RSPH6A: variants seen among roughly 807,000 people sequenced by gnomAD.
RSPH6A encodes the protein radial spoke head 6 homolog A.
In RSPH6A, 49 loss-of-function variants were observed where a neutral mutation model predicts 66.1. The observed-to-expected ratio is 0.74, with a 90% CI of 0.59 to 0.94. The LOEUF (loss-of-function observed/expected upper bound fraction) is 0.94. RSPH6A is among the 40% of genes least tolerant of loss of function. The pLI, the probability that RSPH6A is intolerant of heterozygous loss-of-function variation, is 0.00. For synonymous variants in RSPH6A, 419 were observed against 402.4 expected (o/e 1.04, Z -0.49); for missense variants, 977 against 948.3 (o/e 1.03, Z -0.40).
intron 4 of RSPH6A, among the ~76,000 whole-genome samples, chr19:45,801,524 GC>G (rs895964617): frequency 3.9e-5 from 6 of 152,170 alleles, no homozygotes; most frequent in Non-Finnish European, 8.8e-5. Context: ...ACTTTGGGAG[GC>G]CGAGTAAGGT....
chr19:45,805,092 C>G (rs1970527038), intron 2 of RSPH6A, 76 bp from the exon 3 acceptor site: 4 of 1,315,528 alleles, frequency 3.0e-6, no homozygotes, highest in African/African-American at 1.5e-5. Flanking sequence ...CCAGACTCTT[C>G]TAGAGTCAAG....
chr19:45,802,737 C>G (rs1234293302), intron 3 of RSPH6A, among the ~76,000 whole-genome samples: 1 of 151,592 alleles, frequency 6.6e-6, no homozygotes, highest in Non-Finnish European at 1.5e-5. Context: ...GAACTCCTGA[C>G]CTCAAATGAT....
At chr19:45,806,811 C>CT (rs1970550531) in intron 2 of RSPH6A, among the ~76,000 whole-genome samples, 1 of 151,914 alleles carries the variant, frequency 6.6e-6, no homozygotes, top group South Asian at 2.1e-4. Context: ...AGGGAAATGC[C>CT]TGCCAGCCCC....
chr19:45,800,805 T>G (rs1970465032), intron 4 of RSPH6A, among the ~76,000 whole-genome samples: 1 of 151,228 alleles, frequency 6.6e-6, no homozygotes, highest in Admixed American at 6.6e-5. Context: ...CTCTTTTTTT[T>G]TTTTTTGGAG....
chr19:45,802,753 C>A (rs1405184867), intron 3 of RSPH6A, among the ~76,000 whole-genome samples: 1 of 151,418 alleles, frequency 6.6e-6, no homozygotes, highest in Admixed American at 6.6e-5. Context: ...ATGATCCACC[C>A]GCCTTGGCCT....
chr19:45,808,313 G>A (rs1257572492), intron 2 of RSPH6A, among the ~76,000 whole-genome samples: 1 of 152,152 alleles, frequency 6.6e-6, no homozygotes, highest in Non-Finnish European at 1.5e-5. Context: ...TGTAGTCCCA[G>A]CTACTCGGGA....
intron 5 of RSPH6A, among the ~76,000 whole-genome samples, chr19:45,797,312 C>T (rs772976814): frequency 1.4e-5 from 2 of 142,880 alleles, no homozygotes; most frequent in African/African-American, 2.6e-5. Context: ...CCCTGGGAGG[C>T]GGAGCTTGCA....
At chr19:45,811,957 T>G (rs1970635693) in intron 1 of RSPH6A, among the ~76,000 whole-genome samples, 1 of 149,240 alleles carries the variant, frequency 6.7e-6, no homozygotes, top group Non-Finnish European at 1.5e-5. Flanking sequence ...ATTTTTGTAT[T>G]TTTAGTAGAG....
chr19:45,805,467 A>C (rs1296999345), intron 2 of RSPH6A, among the ~76,000 whole-genome samples: 2 of 150,982 alleles, frequency 1.3e-5, no homozygotes, highest in Non-Finnish European at 3.0e-5. Flanking sequence ...CAAGGCAAGC[A>C]GATCACCTGA....
At position 45,804,471 on chromosome 19, in the gene RSPH6A, GGCCTCGTT is replaced by G; in HGVS notation, c.1426_1433del (p.Asn476GlnfsTer25). ...GGGCTATCTGGGCCCGCAGGTAGTT[GGCCTCGTT>G]GCCCGGGAAGGGTGGGTAGCTGACG... On this transcript the variant is annotated frameshift_variant, in exon 3 of 6. Coordinates refer to ENST00000221538, the MANE Select transcript of RSPH6A (RefSeq NM_030785.4). LOFTEE classifies it high-confidence loss of function. The surrounding 1 kb of genome is among the most constrained non-coding windows in gnomAD (Gnocchi z 5.8). 7 of 1,614,092 alleles carry G rather than the reference GGCCTCGTT, an allele frequency of 4.3e-6. No homozygotes were observed. Among genetic ancestry groups the G allele is most frequent in the Non-Finnish European group, 5.9e-6 (7 of 1,179,978 alleles).
In RSPH6A at chr19:45,814,996, C is replaced by T. The variant is rs769688353; in HGVS notation, c.181G>A (p.Gly61Ser). The change falls in exon 1 of 6, where the codon GGC becomes AGC. Residue 61 changes from glycine to serine, a missense_variant. Gly to Ser is a moderately conservative substitution (Grantham distance 56). Transcript: ENST00000221538. ...QRNAPGWSQR[G>S]SLSQQENLLM... ...AAGTTCTCCTGTTGGGACAGGCTGCCCCTCTGTGACCAACCAGGGGCGTTT... is the reference window on the plus strand; with the variant it reads ...AAGTTCTCCTGTTGGGACAGGCTGCTCCTCTGTGACCAACCAGGGGCGTTT... 1.9e-5 allele frequency: 30 copies of T among 1,613,754 alleles called. No homozygotes were observed. In the Admixed American group the frequency reaches 2.3e-4, roughly 13 times the overall value.
Position 45,815,278 on chromosome 19 carries a change from G to C in RSPH6A, c.-102C>G. 1.5e-6 allele frequency: 2 copies of C among 1,324,970 alleles called. No homozygotes were observed. The highest frequency in any genetic ancestry group is 1.0e-6 in the Non-Finnish European group (1 of 995,118). 82.1% of individuals were successfully genotyped at this position (1,324,970 alleles called of 1,614,324 possible). A position where few individuals can be genotyped will look rare whatever the true frequency, so the allele number is the denominator to read the frequency against. On this transcript the variant is annotated 5_prime_UTR_variant, in exon 1 of 6. Transcript: ENST00000221538. ...CGCCGGTTTCTGAGCACCGAGAGAG[G>C]GGGCCGTTACCCGTGGAGGGCGCGG...
chr19:45,802,410 A>T, intron 3 of RSPH6A, 146 bp from the exon 4 acceptor site: 1 of 572,742 alleles, frequency 1.7e-6, no homozygotes, highest in Non-Finnish European at 2.6e-6. Flanking sequence ...CGCACAGCTA[A>T]GGGGAGGTGG....
At position 45,804,119 on chromosome 19, in the gene RSPH6A, T is replaced by C; in HGVS notation, c.1653+133A>G. 1.4e-6 allele frequency: 1 copy of C among 700,370 alleles called. No homozygotes were observed. Among genetic ancestry groups the C allele is most frequent in the Non-Finnish European group, 2.3e-6 (1 of 433,078 alleles). The allele number at this position is 700,370 out of a possible 1,614,324, so 43.4% of individuals were successfully genotyped here. On this transcript the variant is annotated intron_variant, in intron 3 of 5. Transcript: ENST00000221538. The surrounding 1 kb of genome is among the most constrained non-coding windows in gnomAD (Gnocchi z 5.8). ...TATCCGCTAATATCTGTTGAACCAA[T>C]GAATGGATGGATGAATGAACGAATG...
At chr19:45,811,566 T>C (rs1414482491) in intron 1 of RSPH6A, among the ~76,000 whole-genome samples, 6 of 150,794 alleles carry the variant, frequency 4.0e-5, no homozygotes, top group Non-Finnish European at 8.9e-5. Context: ...GCCTCCCAAG[T>C]AGCTGGGATT....
In RSPH6A at chr19:45,795,892, C is replaced by G. The variant is rs754924366; in HGVS notation, c.2131G>C (p.Glu711Gln). Residue 711 changes from glutamate (E) to glutamine (Q), a missense_variant, in exon 6 of 6, where the codon GAG becomes CAG. Physicochemically the swap from Glu to Gln is conservative, Grantham distance 29. Coordinates refer to ENST00000221538, the MANE Select transcript of RSPH6A (RefSeq NM_030785.4). ...CCTCAGTCATCTGTCTCCTCGCCCTCCTCCTCCTCCTCGCCCTCCTCCTCC... is the reference window on the plus strand; with the variant it reads ...CCTCAGTCATCTGTCTCCTCGCCCTGCTCCTCCTCCTCGCCCTCCTCCTCC... The part of the protein sequence containing the change: ...EEEEEGEEEE[E>Q]GEETDD The G allele has an allele frequency of 5.6e-6, 9 of 1,608,796 alleles. No homozygotes were observed. The Admixed American group carries it at 1.5e-4, about 27-fold the overall frequency.
chr19:45,813,625 G>A (rs528064779), intron 1 of RSPH6A, among the ~76,000 whole-genome samples: 6 of 152,346 alleles, frequency 3.9e-5, no homozygotes, highest in African/African-American at 9.6e-5. Flanking sequence ...GATAACAGGC[G>A]TGAGCCACCG....
At chr19:45,803,396 G>T (rs1324196137) in intron 3 of RSPH6A, among the ~76,000 whole-genome samples, 1 of 151,602 alleles carries the variant, frequency 6.6e-6, no homozygotes, top group Non-Finnish European at 1.5e-5. Context: ...GAAAAAAAAA[G>T]CTGGGCATGG....
chr19:45,807,542 G>A (rs1327049705), intron 2 of RSPH6A, among the ~76,000 whole-genome samples: 1 of 151,536 alleles, frequency 6.6e-6, no homozygotes, highest in Non-Finnish European at 1.5e-5. Flanking sequence ...ACGGAGTCTC[G>A]CTCTGTTGCC....
Sources: gnomAD v4.1 joint callset for allele counts (sites outside exome capture counted in the v4.1 genomes callset) on GRCh38, gnomAD v4.1.1 for gene constraint, Gnocchi (gnomAD v3.1) non-coding constraint, MANE v1.5 for transcripts, NCBI Gene and HGNC (gene_info 2026-07-23, HGNC 2026-07-21) for gene names.